The following LINGO2 variants were observed in gnomAD, a reference collection of about 807,000 sequenced individuals.
LINGO2 encodes leucine-rich repeat and immunoglobulin-like domain-containing nogo receptor-interacting protein 2.
Under a neutral mutation model 30.6 loss-of-function variants are expected in LINGO2, and 14 were observed. The observed-to-expected ratio is 0.46, with a 90% CI of 0.30 to 0.72. The LOEUF is 0.72. LINGO2 is among the 30% of genes least tolerant of loss of function. The pLI, the probability that LINGO2 is intolerant of heterozygous loss-of-function variation, is 0.07. For missense variants in LINGO2, 729 were observed against 751.7 expected (o/e 0.97, Z 0.35); for synonymous variants, 317 against 288.5 (o/e 1.10, Z -1.00).
At chr9:29,212,294 G>C in the LINGO2 span, among the ~76,000 whole-genome samples, 3 of 151,756 alleles carry the variant, frequency 2.0e-5, no homozygotes, top group African/African-American at 7.2e-5. Flanking sequence ...CTGGCTCTCC[G>C]CGCTCACCCC....
At chr9:29,026,367 T>C in the LINGO2 span, among the ~76,000 whole-genome samples, 1 of 152,258 alleles carries the variant, frequency 6.6e-6, no homozygotes, top group East Asian at 1.9e-4. Context: ...TCCACATTTG[T>C]CCTAATGCCT....
the LINGO2 span, among the ~76,000 whole-genome samples, chr9:29,202,516 A>G: frequency 9.2e-5 from 14 of 152,060 alleles, no homozygotes; most frequent in Non-Finnish European, 1.9e-4. Context: ...TACTTGATGT[A>G]TCTATAGTCT....
chr9:28,664,646 A>G (rs1394345017), intron 1 of LINGO2, among the ~76,000 whole-genome samples: 1 of 152,094 alleles, frequency 6.6e-6, no homozygotes, highest in African/African-American at 2.4e-5. Context: ...TCAAATGGCT[A>G]TCGCACAGAA....
At chr9:28,437,848 T>A (rs926526502) in intron 2 of LINGO2, among the ~76,000 whole-genome samples, 8 of 152,162 alleles carry the variant, frequency 5.3e-5, no homozygotes, top group African/African-American at 1.9e-4. Flanking sequence ...ACAAAAAAAA[T>A]TCTGCCAGGC....
At chr9:28,952,155 T>C in the LINGO2 span, among the ~76,000 whole-genome samples, 2 of 152,176 alleles carry the variant, frequency 1.3e-5, no homozygotes, top group Admixed American at 6.5e-5. Context: ...AGATAGACAG[T>C]CAGTGGTCAC....
At chr9:28,019,042 C>T (rs1341113811) in intron 4 of LINGO2, among the ~76,000 whole-genome samples, 2 of 152,056 alleles carry the variant, frequency 1.3e-5, no homozygotes, top group African/African-American at 4.8e-5. Context: ...CCAAATACTG[C>T]ATGTTCTCAC....
At chr9:28,013,029 G>A (rs572458805) in intron 4 of LINGO2, among the ~76,000 whole-genome samples, 53 of 152,100 alleles carry the variant, frequency 3.5e-4, no homozygotes, top group African/African-American at 1.3e-3. Context: ...TAATATTGAT[G>A]TTGTTGGTCT....
the LINGO2 span, among the ~76,000 whole-genome samples, chr9:28,883,618 A>ATGTGTGTG: frequency 0.011 from 407 of 36,262 alleles, 23 homozygotes; most frequent in African/African-American, 0.026. Flanking sequence ...TATATAAAAT[A>ATGTGTGTG]TGTGTGTGTG....
intron 4 of LINGO2, among the ~76,000 whole-genome samples, chr9:28,163,656 T>C (rs1344297064): frequency 1.3e-5 from 2 of 152,114 alleles, no homozygotes; most frequent in Admixed American, 6.5e-5. Context: ...AAAATAAGAA[T>C]ACATGGTCAA....
intron 3 of LINGO2, among the ~76,000 whole-genome samples, chr9:28,340,410 A>T (rs1413192756): frequency 1.3e-5 from 2 of 152,146 alleles, no homozygotes; most frequent in Admixed American, 1.3e-4. Context: ...TCGAGAACAC[A>T]TTACATTCTT....
At chr9:28,049,257 CAAG>C (rs1393081239) in intron 4 of LINGO2, among the ~76,000 whole-genome samples, 4 of 150,742 alleles carry the variant, frequency 2.7e-5, no homozygotes, top group Non-Finnish European at 5.9e-5. Flanking sequence ...TTTGTATATA[CAAG>C]AATAACCCAA....
chr9:29,059,548 C>G, the LINGO2 span, among the ~76,000 whole-genome samples: 1 of 151,544 alleles, frequency 6.6e-6, no homozygotes, highest in Non-Finnish European at 1.5e-5. Context: ...ACGAATGAAA[C>G]AGATTAAAAA....
intron 1 of LINGO2, among the ~76,000 whole-genome samples, chr9:28,553,062 C>A (rs1435217403): frequency 6.6e-6 from 1 of 151,678 alleles, no homozygotes; most frequent in East Asian, 1.9e-4. Flanking sequence ...TCTAATAATC[C>A]TTGGGATTCT....
chr9:27,952,877 T>C (rs1274745343), intron 5 of LINGO2, among the ~76,000 whole-genome samples: 3 of 152,110 alleles, frequency 2.0e-5, no homozygotes, highest in Non-Finnish European at 4.4e-5. Flanking sequence ...AAGAGAATGA[T>C]TGACTCTGTT....
chr9:28,471,368 C>A (rs1033172277), intron 2 of LINGO2, among the ~76,000 whole-genome samples: 2 of 152,158 alleles, frequency 1.3e-5, no homozygotes, highest in Non-Finnish European at 2.9e-5. Flanking sequence ...CTTTAACAGC[C>A]TGCTGTCTTG....
the LINGO2 span, among the ~76,000 whole-genome samples, chr9:29,092,782 C>A: frequency 1.5e-5 from 2 of 136,462 alleles, 1 homozygote; most frequent in Non-Finnish European, 3.2e-5. Context: ...GTGGCACAGG[C>A]AGATCAAAAA....
the LINGO2 span, among the ~76,000 whole-genome samples, chr9:28,764,056 C>T: frequency 6.6e-6 from 1 of 151,290 alleles, no homozygotes; most frequent in Non-Finnish European, 1.5e-5. Flanking sequence ...CAAAAAAGAG[C>T]AAGGACTAGA....
intron 4 of LINGO2, among the ~76,000 whole-genome samples, chr9:28,215,754 A>T (rs1820745628): frequency 6.6e-6 from 1 of 151,792 alleles, no homozygotes. Flanking sequence ...TCCATCATAG[A>T]AACACTCTTC....
chr9:28,406,778 A>G (rs1564179669), intron 2 of LINGO2, among the ~76,000 whole-genome samples: 1 of 152,188 alleles, frequency 6.6e-6, no homozygotes, highest in Non-Finnish European at 1.5e-5. Flanking sequence ...CAACAAGGAT[A>G]AACATGTTTC....
Sources: allele counts gnomAD v4.1 joint callset (sites outside exome capture counted in the v4.1 genomes callset), GRCh38; gene constraint gnomAD v4.1.1; transcripts MANE v1.5; gene names NCBI Gene and HGNC (gene_info 2026-07-23, HGNC 2026-07-21).